HSDL2: variants seen among roughly 807,000 people sequenced by gnomAD.
The protein encoded by HSDL2 is hydroxysteroid dehydrogenase-like protein 2.
A neutral mutation model predicts 46.3 loss-of-function variants in HSDL2; 27 were observed. The observed-to-expected ratio is 0.58, with a 90% confidence interval of 0.43 to 0.80. HSDL2 has a LOEUF of 0.80. Among genes scored for constraint, HSDL2 ranks in the 30% least tolerant of loss-of-function variants. The pLI is 0.00. For synonymous variants in HSDL2, 153 were observed against 163.6 expected (o/e 0.94, Z 0.50); for missense variants, 451 against 502.7 (o/e 0.90, Z 0.98).
intron 8 of HSDL2, among the ~76,000 whole-genome samples, chr9:112,448,711 ATTT>A (rs11328991): frequency 6.0e-5 from 9 of 151,138 alleles, no homozygotes; most frequent in African/African-American, 1.5e-4. Context: ...CACCCAGCTA[ATTT>A]TTTTTTTTAT....
chr9:112,441,030 TAATA>T (rs903624995), intron 7 of HSDL2, among the ~76,000 whole-genome samples: 2 of 147,144 alleles, frequency 1.4e-5, no homozygotes, highest in African/African-American at 5.0e-5. Flanking sequence ...AATAAATAAA[TAATA>T]AATAAATAAA....
chr9:112,468,877 G>C (rs1480254281), intron 10 of HSDL2, among the ~76,000 whole-genome samples: 2 of 152,146 alleles, frequency 1.3e-5, no homozygotes, highest in Non-Finnish European at 2.9e-5. Flanking sequence ...AAGCTCATTG[G>C]AAGATGTGTG....
Position 112,471,803 on chromosome 9 carries a change from T to G in HSDL2, c.*1259T>G, listed in dbSNP as rs1833584671. The G allele has an allele frequency of 6.6e-6, 1 of 152,238 alleles. No homozygotes were observed. 9.4% of individuals were successfully genotyped at this position (152,238 alleles called of 1,614,324 possible). On this transcript the variant is annotated 3_prime_UTR_variant, in exon 11 of 11. Coordinates refer to ENST00000398805, the MANE Select transcript of HSDL2 (RefSeq NM_032303.5). ...TTTTAAAAAGCTCTTATCTTTCATT[T>G]CAATCAGTTAAAAATACTTGCTCAG...
chr9:112,381,119 A>ACACACACACACC (rs1207973664), intron 1 of HSDL2, among the ~76,000 whole-genome samples: 2 of 151,978 alleles, frequency 1.3e-5, no homozygotes, highest in African/African-American at 4.8e-5. Flanking sequence ...ACACACACAT[A>ACACACACACACC]CCCTTTCTTA....
At chr9:112,446,238 A>G (rs974358999) in intron 8 of HSDL2, among the ~76,000 whole-genome samples, 3 of 151,668 alleles carry the variant, frequency 2.0e-5, no homozygotes, top group African/African-American at 7.3e-5. Context: ...CCTTTTTCTG[A>G]GCTGTAGTTT....
intron 9 of HSDL2, among the ~76,000 whole-genome samples, chr9:112,458,821 A>G (rs1282946908): frequency 6.6e-6 from 1 of 151,602 alleles, no homozygotes; most frequent in Non-Finnish European, 1.5e-5. Context: ...CTCTACTAAA[A>G]ATACAAAAAA....
At chr9:112,380,955 A>G (rs916130001) in intron 1 of HSDL2, among the ~76,000 whole-genome samples, 1 of 152,250 alleles carries the variant, frequency 6.6e-6, no homozygotes, top group Admixed American at 6.5e-5. Context: ...ACATGCAGGC[A>G]TATAGCCAAA....
At chr9:112,451,703 A>T (rs1832888554) in intron 8 of HSDL2, among the ~76,000 whole-genome samples, 1 of 150,504 alleles carries the variant, frequency 6.6e-6, no homozygotes, top group Non-Finnish European at 1.5e-5. Context: ...TCATGGTAAT[A>T]CTGACCTCAC....
chr9:112,424,351 T>G (rs1166763655), intron 6 of HSDL2, among the ~76,000 whole-genome samples: 2 of 151,978 alleles, frequency 1.3e-5, no homozygotes, highest in African/African-American at 4.8e-5. Context: ...ATTTTCTGTT[T>G]GGTGCTAGGG....
At chr9:112,388,515 A>G (rs1401709265) in intron 1 of HSDL2, among the ~76,000 whole-genome samples, 1 of 150,774 alleles carries the variant, frequency 6.6e-6, no homozygotes, top group Non-Finnish European at 1.5e-5. Flanking sequence ...CTGTAATCCT[A>G]GCACTTTGGG....
intron 1 of HSDL2, among the ~76,000 whole-genome samples, chr9:112,383,125 G>A (rs1831135292): frequency 6.6e-6 from 1 of 151,936 alleles, no homozygotes; most frequent in South Asian, 2.1e-4. Flanking sequence ...CCAGGCTTGA[G>A]TGCAGTGGTG....
In HSDL2 at chr9:112,393,451, G is replaced by C. The variant is rs151115999; in HGVS notation, c.18-10544G>C. Reference sequence around the variant, plus strand: ...CAATCTCCAAGCCAAATAACAGACTGTCTTAAATCGTTAATTTGATTAGCT... The same window carrying C: ...CAATCTCCAAGCCAAATAACAGACTCTCTTAAATCGTTAATTTGATTAGCT... On this transcript the variant is annotated intron_variant, in intron 1 of 10. Transcript: ENST00000398805. Among the ~76,000 whole-genome samples, 382 of 152,310 alleles carry C rather than the reference G, an allele frequency of 2.5e-3. 1 individual carries two copies. Among genetic ancestry groups the C allele is most frequent in the Non-Finnish European group, 4.2e-3 (289 of 68,028 alleles).
At chr9:112,418,618 ATGTG>A (rs1009632626) in intron 5 of HSDL2, among the ~76,000 whole-genome samples, 8 of 151,756 alleles carry the variant, frequency 5.3e-5, no homozygotes, top group African/African-American at 9.7e-5. Context: ...GTGTGTATAT[ATGTG>A]TGTATTACTA....
intron 10 of HSDL2, among the ~76,000 whole-genome samples, chr9:112,465,721 A>G (rs899387313): frequency 2.0e-5 from 3 of 152,222 alleles, no homozygotes; most frequent in Admixed American, 6.5e-5. Context: ...AAGCTGTAGC[A>G]TGTATCAGCA....
chr9:112,452,003 T>C (rs899178193), intron 8 of HSDL2, among the ~76,000 whole-genome samples: 1 of 152,186 alleles, frequency 6.6e-6, no homozygotes, highest in Non-Finnish European at 1.5e-5. Flanking sequence ...AGTGTCATGC[T>C]AAGTGCAAGG....
At chr9:112,460,365 T>C (rs1833166233) in intron 10 of HSDL2, among the ~76,000 whole-genome samples, 1 of 152,366 alleles carries the variant, frequency 6.6e-6, no homozygotes, top group South Asian at 2.1e-4. Flanking sequence ...CTGCATTCCA[T>C]CTGAGTCAAT....
At chr9:112,454,866 T>C (rs1352110350) in intron 9 of HSDL2, among the ~76,000 whole-genome samples, 1 of 150,786 alleles carries the variant, frequency 6.6e-6, no homozygotes, top group African/African-American at 2.4e-5. Flanking sequence ...CCACCACACA[T>C]GGCTAATTTT....
chr9:112,416,526 G>A (rs578119381), intron 4 of HSDL2, among the ~76,000 whole-genome samples: 16 of 151,546 alleles, frequency 1.1e-4, no homozygotes, highest in South Asian at 1.0e-3. Flanking sequence ...TCTGAGGTAG[G>A]AGGAGTGCTT....
chr9:112,441,029 A>G (rs56091581), intron 7 of HSDL2, among the ~76,000 whole-genome samples: 1 of 147,752 alleles, frequency 6.8e-6, no homozygotes, highest in African/African-American at 2.5e-5. Context: ...AAATAAATAA[A>G]TAATAAATAA....
Sources: gnomAD v4.1 joint callset for allele counts (sites outside exome capture counted in the v4.1 genomes callset) on GRCh38, gnomAD v4.1.1 for gene constraint, MANE v1.5 for transcripts, NCBI Gene and HGNC (gene_info 2026-07-23, HGNC 2026-07-21) for gene names.